The following ZCCHC8 variants were observed in gnomAD, a reference collection of about 807,000 sequenced individuals.
The protein encoded by ZCCHC8 is zinc finger CCHC-type containing 8.
ZCCHC8 carries 27 observed loss-of-function variants against 70.6 expected under a neutral mutation model. That is an observed-to-expected ratio of 0.38 (90% CI 0.28 to 0.53). The LOEUF (loss-of-function observed/expected upper bound fraction) is 0.53. ZCCHC8 is among the 20% of genes least tolerant of loss of function. The pLI is 0.81. For missense variants in ZCCHC8, 737 were observed against 876.9 expected, an observed-to-expected ratio of 0.84 and a Z score of 2.01; for synonymous variants, 293 against 317.4, an observed-to-expected ratio of 0.92 and a Z score of 0.82.
intron 9 of ZCCHC8, 78 bp downstream of exon 9, chr12:122,481,867 A>C: frequency 6.6e-7 from 1 of 1,523,416 alleles, no homozygotes; most frequent in Non-Finnish European, 8.8e-7. Context: ...TATCCTGATA[A>C]TTAGCCCAAA....
intron 1 of ZCCHC8, chr12:122,499,078 CAT>C: frequency 1.7e-6 from 1 of 576,478 alleles, no homozygotes; most frequent in East Asian, 2.9e-5. Flanking sequence ...TCCTTTCGAA[CAT>C]ATATTCTAAG....
In ZCCHC8 at chr12:122,500,918, A is replaced by G; in HGVS notation, c.-78T>C. On this transcript the variant is annotated 5_prime_UTR_variant, in exon 1 of 14. Coordinates refer to ENST00000633063, the MANE Select transcript of ZCCHC8 (RefSeq NM_017612.5). This position sits in a 1 kb window ranked among gnomAD's most constrained non-coding sequence, Gnocchi z 4.8. ...GGGAAGAAGGTTGGAAGGCGGCACC[A>G]CTCTCTAGAGCTCTGGCCGCACGGA... The G allele has an allele frequency of 1.4e-6, 2 of 1,466,024 alleles. No homozygotes were observed. Among genetic ancestry groups the G allele is most frequent in the South Asian group, 1.2e-5 (1 of 81,802 alleles). 90.8% of individuals were successfully genotyped at this position (1,466,024 alleles called of 1,614,324 possible). A position where few individuals can be genotyped will look rare whatever the true frequency, so the allele number is the denominator to read the frequency against.
intron 2 of ZCCHC8, among the ~76,000 whole-genome samples, chr12:122,497,084 G>A (rs1957836798): frequency 6.6e-6 from 1 of 151,896 alleles, no homozygotes; most frequent in Non-Finnish European, 1.5e-5. Flanking sequence ...AACCCAGGAG[G>A]TGGAGGCTGC....
intron 11 of ZCCHC8, among the ~76,000 whole-genome samples, chr12:122,479,159 T>C (rs1957480779): frequency 6.6e-6 from 1 of 152,230 alleles, no homozygotes; most frequent in Admixed American, 6.5e-5. Flanking sequence ...CACTGCAACC[T>C]CCACCTCCTT....
rs1260718270 is a variant in ZCCHC8 at position 122,473,004 on chromosome 12, T to C, written c.*493A>G. On this transcript the variant is annotated 3_prime_UTR_variant, in exon 14 of 14. Coordinates refer to ENST00000633063, the MANE Select transcript of ZCCHC8 (RefSeq NM_017612.5). ...CAAAAAAGTAAAAGTATTACTAAAATTGACACATGTAAATCACTTACAAAA... is the reference window on the plus strand; with the variant it reads ...CAAAAAAGTAAAAGTATTACTAAAACTGACACATGTAAATCACTTACAAAA... 1 of 154,246 alleles carries C rather than the reference T, an allele frequency of 6.5e-6. No individual in the cohort carries two copies. Among genetic ancestry groups the C allele is most frequent in the African/African-American group, 2.4e-5 (1 of 41,478 alleles). The allele number at this position is 154,246 out of a possible 1,614,324, so 9.6% of individuals were successfully genotyped here.
intron 4 of ZCCHC8, among the ~76,000 whole-genome samples, 192 bp downstream of exon 4, chr12:122,490,270 A>C (rs1957722017): frequency 6.6e-6 from 1 of 152,170 alleles, no homozygotes; most frequent in African/African-American, 2.4e-5. Context: ...GCAATGTAAA[A>C]AGTCTGAGCC....
chr12:122,480,241 T>C lies in ZCCHC8; in HGVS notation c.1089A>G (p.Lys363=). Residue 363 remains lysine (K), a synonymous_variant, in exon 11 of 14, where the codon AAA becomes AAG. Transcript: ENST00000633063. ...QNKSVTYDLS[K]LVNYPGFNIS... is the part of the protein sequence containing the mutation. ...TATTAAAACCAGGATAGTTGACCAA[T>C]TTTGAGAGATCGTAAGTGACACTTT... The C allele has an allele frequency of 5.0e-6, 8 of 1,605,066 alleles. No individual in the cohort carries two copies. The African/African-American group carries it at 8.0e-5, about 16-fold the overall frequency.
chr12:122,493,967 G>C (rs1957787276), intron 2 of ZCCHC8, among the ~76,000 whole-genome samples: 1 of 152,196 alleles, frequency 6.6e-6, no homozygotes, highest in South Asian at 2.1e-4. Context: ...AAGTATATAG[G>C]AAAGAACACT....
At chr12:122,481,809 C>T (rs972008012) in intron 9 of ZCCHC8, 136 bp downstream of exon 9, 1 of 1,382,526 alleles carries the variant, frequency 7.2e-7, no homozygotes, top group African/African-American at 1.5e-5. Context: ...AGAAGTGTTT[C>T]TAAATGAATT....
chr12:122,489,460 A>G lies in ZCCHC8; in HGVS notation c.427T>C (p.Ser143Pro), dbSNP rs750756892. The G allele has an allele frequency of 6.2e-7, 1 of 1,613,516 alleles. No homozygotes were observed. Among genetic ancestry groups the G allele is most frequent in the Non-Finnish European group, 8.5e-7 (1 of 1,179,666 alleles). The change falls in exon 5 of 14, where the codon TCC (serine) becomes CCC (proline). Residue 143 changes from serine (S) to proline (P), a missense_variant. Coordinates refer to ENST00000633063, the MANE Select transcript of ZCCHC8 (RefSeq NM_017612.5). ...KTSFNLLPQP[S>P]SIVLEEDHKV... Reference sequence around the variant, plus strand: ...TGGTCCTCCTCTAGCACAATACTGGATGGCTAATACAAAGAAAAACACATA... The same window carrying G: ...TGGTCCTCCTCTAGCACAATACTGGGTGGCTAATACAAAGAAAAACACATA...
intron 2 of ZCCHC8, among the ~76,000 whole-genome samples, chr12:122,496,701 T>G (rs1202777128): frequency 1.3e-5 from 2 of 152,170 alleles, no homozygotes; most frequent in Non-Finnish European, 2.9e-5. Context: ...AGTCTCACCA[T>G]GTTGTCCAGA....
intron 10 of ZCCHC8, 174 bp from the exon 11 acceptor site, chr12:122,480,485 T>C (rs1360867204): frequency 9.0e-6 from 5 of 555,576 alleles, no homozygotes; most frequent in African/African-American, 2.0e-5. Flanking sequence ...TTTTTTTTTT[T>C]TTTTTGAGAA....
At chr12:122,498,621 T>C (rs566167567) in intron 2 of ZCCHC8, among the ~76,000 whole-genome samples, 2 of 152,322 alleles carry the variant, frequency 1.3e-5, no homozygotes, top group African/African-American at 2.4e-5. Flanking sequence ...ATCCAATAAA[T>C]GAGCTTACAA....
At chr12:122,485,459 T>C (rs1256344274) in intron 5 of ZCCHC8, among the ~76,000 whole-genome samples, 3 of 152,152 alleles carry the variant, frequency 2.0e-5, no homozygotes, top group South Asian at 2.1e-4. Context: ...GGAGCATAGA[T>C]TGAAGTTGCC....
At chr12:122,489,924 G>A (rs1187877627) in intron 4 of ZCCHC8, among the ~76,000 whole-genome samples, 1 of 151,648 alleles carries the variant, frequency 6.6e-6, no homozygotes, top group African/African-American at 2.4e-5. Context: ...TCCAAAGCCT[G>A]AGGATAAACA....
chr12:122,488,799 A>C (rs1169991625), intron 5 of ZCCHC8, among the ~76,000 whole-genome samples: 1 of 146,496 alleles, frequency 6.8e-6, no homozygotes, highest in Non-Finnish European at 1.5e-5. Flanking sequence ...TGAACCCGGG[A>C]GGCGGAGGTT....
chr12:122,487,009 A>G, intron 5 of ZCCHC8, among the ~76,000 whole-genome samples: 1 of 152,196 alleles, frequency 6.6e-6, no homozygotes, highest in East Asian at 1.9e-4. Flanking sequence ...ATGAGCTTAG[A>G]ACTTACATGC....
At chr12:122,498,903 T>C (rs1957872085) in intron 1 of ZCCHC8, 34 bp from the exon 2 acceptor site, 1 of 1,589,938 alleles carries the variant, frequency 6.3e-7, no homozygotes, top group Non-Finnish European at 8.6e-7. Flanking sequence ...AGCCCTCATT[T>C]AACAATGCAA....
intron 10 of ZCCHC8, 64 bp from the exon 11 acceptor site, chr12:122,480,375 A>G: frequency 7.3e-7 from 1 of 1,376,574 alleles, no homozygotes; most frequent in Non-Finnish European, 9.6e-7. Context: ...CCCCAGACCA[A>G]AAGTACACCT....
Sources: allele counts gnomAD v4.1 joint callset (sites outside exome capture counted in the v4.1 genomes callset), GRCh38; gene constraint gnomAD v4.1.1; non-coding constraint Gnocchi (gnomAD v3.1); transcripts MANE v1.5; gene names NCBI Gene and HGNC (gene_info 2026-07-23, HGNC 2026-07-21).